KIF26B: variants seen among roughly 807,000 people sequenced by gnomAD.
KIF26B encodes kinesin family member 26B, also known as kinesin-like protein KIF26B.
A neutral mutation model predicts 151.2 loss-of-function variants in KIF26B; 63 were observed. That is an observed-to-expected ratio of 0.42 (90% CI 0.34 to 0.51). The LOEUF is 0.51. Ranked by LOEUF, KIF26B falls within the 20% of genes least tolerant of loss-of-function variation. KIF26B has a pLI of 0.07. For missense variants in KIF26B, 2,813 were observed against 2,913.6 expected (o/e 0.97, Z 0.79); for synonymous variants, 1,357 against 1,262.1 (o/e 1.08, Z -1.59).
intron 5 of KIF26B, among the ~76,000 whole-genome samples, chr1:245,589,973 G>C (rs886234357): frequency 1.3e-5 from 2 of 152,208 alleles, no homozygotes; most frequent in African/African-American, 4.8e-5. Context: ...AAGCCAAATA[G>C]CATCTCTGTG....
chr1:245,187,967 A>G (rs1387633465), intron 2 of KIF26B, among the ~76,000 whole-genome samples: 1 of 152,116 alleles, frequency 6.6e-6, no homozygotes, highest in Non-Finnish European at 1.5e-5. Context: ...AGGTTAATCA[A>G]CACTGAAATT....
At chr1:245,497,324 C>G (rs1056588160) in intron 4 of KIF26B, among the ~76,000 whole-genome samples, 1 of 152,114 alleles carries the variant, frequency 6.6e-6, no homozygotes, top group African/African-American at 2.4e-5. Flanking sequence ...ATCTGAATCT[C>G]TCAACAATGA....
At chr1:245,225,831 A>G (rs901575973) in intron 2 of KIF26B, among the ~76,000 whole-genome samples, 2 of 152,230 alleles carry the variant, frequency 1.3e-5, no homozygotes, top group African/African-American at 2.4e-5. Flanking sequence ...AATAGCATAA[A>G]ACAGCTTTTA....
chr1:245,176,348 G>C (rs1298711125), intron 2 of KIF26B, among the ~76,000 whole-genome samples: 1 of 152,178 alleles, frequency 6.6e-6, no homozygotes, highest in Non-Finnish European at 1.5e-5. Flanking sequence ...GGGAAAAGTA[G>C]TGTCAGATCT....
At chr1:245,180,139 A>T (rs1162383710) in intron 2 of KIF26B, among the ~76,000 whole-genome samples, 3 of 152,244 alleles carry the variant, frequency 2.0e-5, no homozygotes, top group African/African-American at 7.2e-5. Context: ...AGTATCAGAG[A>T]TATTTTGCTT....
intron 4 of KIF26B, among the ~76,000 whole-genome samples, chr1:245,531,415 C>T (rs368400557): frequency 3.9e-5 from 6 of 152,074 alleles, no homozygotes; most frequent in Middle Eastern, 3.2e-3. Context: ...TGCCAGGCCT[C>T]GTTCTTTTTT....
intron 2 of KIF26B, among the ~76,000 whole-genome samples, chr1:245,337,755 G>A (rs934837061): frequency 1.3e-5 from 2 of 151,946 alleles, no homozygotes; most frequent in East Asian, 1.9e-4. Context: ...GTCATTTATC[G>A]AGCAACCATA....
chr1:245,299,242 G>C (rs1328585905), intron 2 of KIF26B, among the ~76,000 whole-genome samples: 1 of 151,044 alleles, frequency 6.6e-6, no homozygotes, highest in Non-Finnish European at 1.5e-5. Context: ...CCAGAGTCTA[G>C]TGCAGAAAAT....
intron 2 of KIF26B, among the ~76,000 whole-genome samples, chr1:245,161,499 C>T (rs1001606658): frequency 6.6e-6 from 1 of 152,206 alleles, no homozygotes; most frequent in African/African-American, 2.4e-5. Flanking sequence ...GAGGCAACAT[C>T]AGTTGCCATT....
At chr1:245,528,319 C>T (rs1661286002) in intron 4 of KIF26B, among the ~76,000 whole-genome samples, 1 of 152,100 alleles carries the variant, frequency 6.6e-6, no homozygotes, top group South Asian at 2.1e-4. Flanking sequence ...CATCAGTTAC[C>T]CAGGTGCACG....
chr1:245,600,263 C>T (rs2043381026), intron 5 of KIF26B, among the ~76,000 whole-genome samples: 1 of 132,832 alleles, frequency 7.5e-6, no homozygotes. Flanking sequence ...TGGTCTCTAT[C>T]TCCTGACCTT....
In KIF26B at chr1:245,318,646, C is replaced by T. The variant is rs567875719; in HGVS notation, c.466-48188C>T. ...ATAGGGAAAGCAGCAAGGATGAGTTCGGGAGACTCTGGCATATGCATCAGA... is the reference window on the plus strand; with the variant it reads ...ATAGGGAAAGCAGCAAGGATGAGTTTGGGAGACTCTGGCATATGCATCAGA... On this transcript the variant is annotated intron_variant, in intron 2 of 14. Coordinates refer to ENST00000407071, the MANE Select transcript of KIF26B (RefSeq NM_018012.4). The surrounding 1 kb of genome is among the most constrained non-coding windows in gnomAD (Gnocchi z 4.0). Among the ~76,000 whole-genome samples the T allele has an allele frequency of 3.9e-5, 6 of 152,200 alleles. No homozygotes were observed. The highest frequency in any genetic ancestry group is 4.2e-4 in the South Asian group (2 of 4,814).
intron 2 of KIF26B, among the ~76,000 whole-genome samples, chr1:245,306,567 T>C (rs1671542620): frequency 2.0e-5 from 3 of 152,344 alleles, no homozygotes; most frequent in African/African-American, 7.2e-5. Context: ...GTCTGTGCTC[T>C]AAAATGTATC....
chr1:245,420,886 A>G (rs1226812662), intron 4 of KIF26B, among the ~76,000 whole-genome samples: 1 of 152,234 alleles, frequency 6.6e-6, no homozygotes, highest in Non-Finnish European at 1.5e-5. Flanking sequence ...GGCAAGGCAG[A>G]GGAGGACAGA....
intron 3 of KIF26B, among the ~76,000 whole-genome samples, chr1:245,385,809 G>T (rs819893): frequency 6.6e-6 from 1 of 152,186 alleles, no homozygotes; most frequent in African/African-American, 2.4e-5. Context: ...TTGGCAGACC[G>T]CTGGCTTAGG....
At chr1:245,316,828 C>A (rs59519537) in intron 2 of KIF26B, among the ~76,000 whole-genome samples, 1 of 109,754 alleles carries the variant, frequency 9.1e-6, no homozygotes, top group South Asian at 2.6e-4. Flanking sequence ...CAAACCAGAA[C>A]TAGTTCAAGG....
chr1:245,702,486 T>G lies in KIF26B; in HGVS notation c.6207T>G (p.Asp2069Glu). 6.2e-7 allele frequency: 1 copy of G among 1,613,934 alleles called. No individual in the cohort carries two copies. The change falls in exon 15 of 15, where the codon GAT (aspartate) becomes GAG (glutamate). Residue 2069 changes from aspartate (D) to glutamate (E), a missense_variant. Coordinates refer to ENST00000407071, the MANE Select transcript of KIF26B (RefSeq NM_018012.4). The surrounding 1 kb of genome is among the most constrained non-coding windows in gnomAD (Gnocchi z 4.1). ...ACTTGGAGCAGGTTTGGGAGCTGGA[T>G]TCCCTGGAGTACCTGGAGGCACTGG... ...EFDLEQVWEL[D>E]SLEYLEALEC...
chr1:245,251,720 C>A (rs1456746863), intron 2 of KIF26B, among the ~76,000 whole-genome samples: 1 of 152,122 alleles, frequency 6.6e-6, no homozygotes, highest in Admixed American at 6.5e-5. Context: ...CTCTGGCATA[C>A]CAAGTTCTCC....
chr1:245,439,853 A>C (rs1659025366), intron 4 of KIF26B, among the ~76,000 whole-genome samples: 1 of 152,230 alleles, frequency 6.6e-6, no homozygotes, highest in Non-Finnish European at 1.5e-5. Flanking sequence ...AATATTGAAA[A>C]TATTGAAACA....
Sources: gnomAD v4.1 joint callset for allele counts (sites outside exome capture counted in the v4.1 genomes callset) on GRCh38, gnomAD v4.1.1 for gene constraint, Gnocchi (gnomAD v3.1) non-coding constraint, MANE v1.5 for transcripts, NCBI Gene and HGNC (gene_info 2026-07-23, HGNC 2026-07-21) for gene names.